The following MYO9A variants were observed in gnomAD, a reference collection of about 807,000 sequenced individuals.
MYO9A encodes unconventional myosin-IXa.
MYO9A carries 103 observed loss-of-function variants against 293.3 expected under a neutral mutation model. The ratio of observed to expected loss-of-function variants is 0.35; its 90% CI spans 0.30 to 0.41. The LOEUF is 0.41. Ranked by LOEUF, MYO9A falls within the 10% of genes least tolerant of loss-of-function variation. MYO9A has a pLI of 1.00. For synonymous variants in MYO9A, 1,001 were observed against 1,035.7 expected, an observed-to-expected ratio of 0.97 and a Z score of 0.64; for missense variants, 2,685 against 3,033.0, an observed-to-expected ratio of 0.89 and a Z score of 2.69.
chr15:71,947,753 C>T (rs2058954219), intron 15 of MYO9A, among the ~76,000 whole-genome samples: 1 of 152,196 alleles, frequency 6.6e-6, no homozygotes, highest in South Asian at 2.1e-4. Context: ...CAGCCCTTCC[C>T]TGGCAATTGC....
chr15:72,013,253 G>A (rs76368893), intron 6 of MYO9A, among the ~76,000 whole-genome samples: 2 of 152,242 alleles, frequency 1.3e-5, no homozygotes, highest in East Asian at 1.9e-4. Flanking sequence ...AGAGGTGAGG[G>A]AGCTACTGTA....
intron 2 of MYO9A, among the ~76,000 whole-genome samples, chr15:72,039,712 C>T (rs1011094618): frequency 6.6e-6 from 1 of 152,202 alleles, no homozygotes; most frequent in Non-Finnish European, 1.5e-5. Flanking sequence ...ACCTATAGTC[C>T]CAGCTACTCA....
intron 1 of MYO9A, among the ~76,000 whole-genome samples, chr15:72,084,420 T>A (rs184420239): frequency 2.0e-5 from 3 of 152,356 alleles, no homozygotes; most frequent in East Asian, 1.9e-4. Context: ...TTAGTTTTTT[T>A]ATCCAATTTC....
At chr15:72,037,824 T>C (rs1451418772) in intron 2 of MYO9A, among the ~76,000 whole-genome samples, 1 of 151,724 alleles carries the variant, frequency 6.6e-6, no homozygotes, top group Non-Finnish European at 1.5e-5. Context: ...TACAAAAGTA[T>C]GGGCATGGGA....
chr15:71,969,819 A>G (rs1229944278), intron 12 of MYO9A, among the ~76,000 whole-genome samples: 4 of 152,228 alleles, frequency 2.6e-5, no homozygotes. Context: ...GGCAAAAAAA[A>G]AAATTTGGAA....
At chr15:71,950,996 A>C (rs768619970) in intron 15 of MYO9A, among the ~76,000 whole-genome samples, 1 of 152,252 alleles carries the variant, frequency 6.6e-6, no homozygotes, top group African/African-American at 2.4e-5. Flanking sequence ...ATTTTCATGC[A>C]GAATGAGTAC....
intron 28 of MYO9A, among the ~76,000 whole-genome samples, chr15:71,881,343 T>C (rs898399086): frequency 6.6e-6 from 1 of 152,034 alleles, no homozygotes; most frequent in African/African-American, 2.4e-5. Flanking sequence ...CCAATGTGTA[T>C]GCTCGTTACC....
In MYO9A at chr15:71,903,129, A is replaced by C. The variant is rs1596149909; in HGVS notation, c.2878-66T>G. 3.1e-6 allele frequency: 4 copies of C among 1,280,570 alleles called. No homozygotes were observed. The East Asian group carries it at 9.6e-5, about 31-fold the overall frequency. The allele number at this position is 1,280,570 out of a possible 1,614,324, so 79.3% of individuals were successfully genotyped here. On this transcript the variant is annotated intron_variant, in intron 21 of 41. Transcript: ENST00000356056. ...TGTATGTAAACAAGACCTTAAACTA[A>C]TTATCATTCTATTAATCTTTTCTCT...
In MYO9A at chr15:71,875,851, C is replaced by A. The variant is rs1433407336; in HGVS notation, c.5932-13G>T. On this transcript the variant is annotated splice_polypyrimidine_tract_variant and intron_variant, in intron 31 of 41. Coordinates refer to ENST00000356056, the MANE Select transcript of MYO9A (RefSeq NM_006901.4). ...CTGTTTTTGGCACCTGACAGGGGGACAGGAGATATATGGAAATTGTGATAA... is the reference window on the plus strand; with the variant it reads ...CTGTTTTTGGCACCTGACAGGGGGAAAGGAGATATATGGAAATTGTGATAA... The A allele has an allele frequency of 2.2e-5, 30 of 1,347,600 alleles. No homozygotes were observed. Among genetic ancestry groups the A allele is most frequent in the Non-Finnish European group, 2.8e-5 (29 of 1,038,376 alleles). 83.5% of individuals were successfully genotyped at this position (1,347,600 alleles called of 1,614,324 possible). A position where few individuals can be genotyped will look rare whatever the true frequency, so the allele number is the denominator to read the frequency against.
intron 39 of MYO9A, among the ~76,000 whole-genome samples, chr15:71,836,019 A>G (rs1288404460): frequency 6.6e-6 from 1 of 152,096 alleles, no homozygotes; most frequent in Non-Finnish European, 1.5e-5. Context: ...AAAGGTATTC[A>G]TCCTAAAGGG....
chr15:71,852,492 T>G (rs1254859217), intron 35 of MYO9A: 66 of 261,684 alleles, frequency 2.5e-4, no homozygotes, highest in East Asian at 4.5e-4. Flanking sequence ...GCCTCCGGAG[T>G]AGCTGGGATT....
intron 11 of MYO9A, among the ~76,000 whole-genome samples, chr15:71,981,514 T>C (rs2076270410): frequency 6.6e-6 from 1 of 152,244 alleles, no homozygotes; most frequent in South Asian, 2.1e-4. Flanking sequence ...GCTCTTTTGT[T>C]CGTATCATTT....
At chr15:71,902,880 AATT>A (rs1596149035) in intron 22 of MYO9A, 58 bp downstream of exon 22, 5 of 1,317,594 alleles carry the variant, frequency 3.8e-6, no homozygotes, top group South Asian at 1.6e-5. Context: ...CATAGGCAAA[AATT>A]ATTATTTTTT....
intron 5 of MYO9A, among the ~76,000 whole-genome samples, chr15:72,019,446 T>A (rs7172655): frequency 0.017 from 2,636 of 152,270 alleles, 82 homozygotes; most frequent in African/African-American, 0.06. Flanking sequence ...TATCAGCTCA[T>A]TTATGAGAGA....
At chr15:71,969,652 T>C (rs1240360603) in intron 12 of MYO9A, among the ~76,000 whole-genome samples, 1 of 152,184 alleles carries the variant, frequency 6.6e-6, no homozygotes, top group Non-Finnish European at 1.5e-5. Flanking sequence ...ATCTGAGTAA[T>C]TGAAAAGCTT....
intron 13 of MYO9A, among the ~76,000 whole-genome samples, chr15:71,960,872 T>C (rs1010039912): frequency 6.6e-6 from 1 of 152,078 alleles, no homozygotes; most frequent in Non-Finnish European, 1.5e-5. Flanking sequence ...GTAACACCTA[T>C]AACCTATAGA....
At chr15:72,040,407 A>C (rs2929518) in intron 2 of MYO9A, 101,208 of 152,056 alleles carry the variant, frequency 0.67, 34,449 homozygotes, top group Middle Eastern at 0.74. Flanking sequence ...TGCCATTTGC[A>C]GGGGGGAGGA....
In MYO9A at chr15:72,009,331, TAAAG is replaced by T. The variant is rs1303468700; in HGVS notation, c.1253+1015_1253+1018del. Among the ~76,000 whole-genome samples, 3 of 152,160 alleles carry T rather than the reference TAAAG, an allele frequency of 2.0e-5. No homozygotes were observed. In the East Asian group the frequency reaches 5.8e-4, roughly 29 times the overall value. Reference sequence around the variant, plus strand: ...AGATTCTAGTAAATAGCCTGCTAATTAAAGAGTCATACCAATGATGTAAGTGCAA... The same window carrying T: ...AGATTCTAGTAAATAGCCTGCTAATTAGTCATACCAATGATGTAAGTGCAA... On this transcript the variant is annotated intron_variant, in intron 7 of 41. Coordinates refer to ENST00000356056, the MANE Select transcript of MYO9A (RefSeq NM_006901.4).
At position 71,825,471 on chromosome 15, in the gene MYO9A, T is replaced by TAA. The variant is rs2054441700; in HGVS notation, c.*1107_*1108dup. 6.6e-6 allele frequency: 1 copy of TAA among 151,858 alleles called. No homozygotes were observed. The highest frequency in any genetic ancestry group is 2.4e-5 in the African/African-American group (1 of 41,342). 9.4% of individuals were successfully genotyped at this position (151,858 alleles called of 1,614,324 possible). A position where few individuals can be genotyped will look rare whatever the true frequency, so the allele number is the denominator to read the frequency against. Reference sequence around the variant, plus strand: ...TACTGATAGTCTGAGAAAAGGAAGATAAAAGTTAGTTAGTTAGATAGGTCA... The same window carrying TAA: ...TACTGATAGTCTGAGAAAAGGAAGATAAAAAAGTTAGTTAGTTAGATAGGTCA... On this transcript the variant is annotated 3_prime_UTR_variant, in exon 42 of 42. Coordinates refer to ENST00000356056, the MANE Select transcript of MYO9A (RefSeq NM_006901.4).
Sources: allele counts gnomAD v4.1 joint callset (sites outside exome capture counted in the v4.1 genomes callset), GRCh38; gene constraint gnomAD v4.1.1; transcripts MANE v1.5; gene names NCBI Gene and HGNC (gene_info 2026-07-23, HGNC 2026-07-21).